Variants in EFCAB13 observed in about 807,000 individuals in gnomAD.
EFCAB13 encodes the protein EF-hand calcium binding domain 13, also known as EF-hand calcium-binding domain-containing protein 13.
In EFCAB13, 91 loss-of-function variants were observed where a neutral mutation model predicts 110.2. The observed-to-expected ratio is 0.83, with a 90% CI of 0.70 to 0.98. The LOEUF is 0.98. Among genes scored for constraint, EFCAB13 ranks in the 50% least tolerant of loss-of-function variants. The pLI, the probability that EFCAB13 is intolerant of heterozygous loss-of-function variation, is 0.00. For missense variants in EFCAB13, 968 were observed against 1,119.4 expected, an observed-to-expected ratio of 0.86 and a Z score of 1.93; for synonymous variants, 323 against 369.9, an observed-to-expected ratio of 0.87 and a Z score of 1.45.
intron 17 of EFCAB13, among the ~76,000 whole-genome samples, chr17:47,400,598 CTTGCCTCT>C (rs111673282): frequency 0.01 from 1,520 of 151,894 alleles, 16 homozygotes; most frequent in African/African-American, 0.032. Context: ...TCCTTGCCTC[CTTGCCTCT>C]CTCCCTCCCT....
chr17:47,423,474 G>A (rs1904796933), intron 23 of EFCAB13: 1 of 214,054 alleles, frequency 4.7e-6, no homozygotes, highest in Admixed American at 5.9e-5. Context: ...GCCTGGCTGC[G>A]GGCGGCCGGG....
chr17:47,411,474 T>A lies in EFCAB13; in HGVS notation c.2279-1299T>A, dbSNP rs2143466632. Among the ~76,000 whole-genome samples the A allele has an allele frequency of 2.0e-5, 3 of 152,340 alleles. No homozygotes were observed. In the East Asian group the frequency reaches 5.8e-4, roughly 29 times the overall value. On this transcript the variant is annotated intron_variant, in intron 21 of 24. Transcript: ENST00000331493. Reference sequence around the variant, plus strand: ...TGAACCTTCTCAGTGCTTCCATAATTTTGTGTGTGTATTTTTCTCATATCA... The same window carrying A: ...TGAACCTTCTCAGTGCTTCCATAATATTGTGTGTGTATTTTTCTCATATCA...
At chr17:47,359,708 C>T (rs917389149) in intron 9 of EFCAB13, among the ~76,000 whole-genome samples, 10 of 149,906 alleles carry the variant, frequency 6.7e-5, no homozygotes, top group African/African-American at 2.5e-4. Flanking sequence ...ATGTGCCATG[C>T]TGGTGTGCTG....
At chr17:47,362,402 G>A (rs1049302826) in intron 10 of EFCAB13, among the ~76,000 whole-genome samples, 4 of 152,144 alleles carry the variant, frequency 2.6e-5, no homozygotes, top group Admixed American at 1.3e-4. Flanking sequence ...TAATGCCAGC[G>A]TCTGGGAAGA....
At chr17:47,407,672 T>C (rs987061376) in intron 20 of EFCAB13, among the ~76,000 whole-genome samples, 1 of 152,214 alleles carries the variant, frequency 6.6e-6, no homozygotes, top group African/African-American at 2.4e-5. Flanking sequence ...ATGACTCCTT[T>C]GTTGAAGATG....
chr17:47,335,914 A>C (rs1377475762), intron 5 of EFCAB13, among the ~76,000 whole-genome samples: 1 of 152,206 alleles, frequency 6.6e-6, no homozygotes, highest in Non-Finnish European at 1.5e-5. Context: ...ACAATTCAAC[A>C]TGAGATTTAG....
At chr17:47,438,363 T>C (rs1378437837) in intron 24 of EFCAB13, among the ~76,000 whole-genome samples, 5 of 152,230 alleles carry the variant, frequency 3.3e-5, no homozygotes, top group Non-Finnish European at 7.3e-5. Context: ...AGGGAAGTTT[T>C]CCTCGATTAT....
chr17:47,355,698 G>T (rs573192830), intron 9 of EFCAB13, among the ~76,000 whole-genome samples: 6 of 150,104 alleles, frequency 4.0e-5, no homozygotes, highest in African/African-American at 1.5e-4. Context: ...TCAGCCTCCC[G>T]AATAGCTGGG....
At chr17:47,382,498 A>G (rs1223941958) in intron 14 of EFCAB13, among the ~76,000 whole-genome samples, 1 of 152,216 alleles carries the variant, frequency 6.6e-6, no homozygotes, top group Non-Finnish European at 1.5e-5. Flanking sequence ...TGGGTTTGTC[A>G]TAAATAGCTC....
chr17:47,377,349 A>G (rs113970193), intron 12 of EFCAB13, among the ~76,000 whole-genome samples: 4,834 of 152,140 alleles, frequency 0.032, 273 homozygotes, highest in African/African-American at 0.11. Context: ...TTTAGTAGAG[A>G]CAGGGTTTCA....
At chr17:47,428,922 G>C (rs953617856) in intron 23 of EFCAB13, among the ~76,000 whole-genome samples, 9 of 152,038 alleles carry the variant, frequency 5.9e-5, no homozygotes, top group African/African-American at 2.2e-4. Flanking sequence ...GGGACATTTT[G>C]TTGGCTATTT....
At chr17:47,353,362 T>C (rs1245505677) in intron 9 of EFCAB13, among the ~76,000 whole-genome samples, 2 of 152,072 alleles carry the variant, frequency 1.3e-5, no homozygotes, top group East Asian at 3.8e-4. Flanking sequence ...TGACACAATC[T>C]TGGCTCACTG....
At chr17:47,389,405 C>G (rs73324443) in intron 14 of EFCAB13, among the ~76,000 whole-genome samples, 1 of 152,038 alleles carries the variant, frequency 6.6e-6, no homozygotes, top group African/African-American at 2.4e-5. Context: ...AGCCCCATGA[C>G]AAACTAAACA....
At chr17:47,421,185 G>A (rs1187870806) in intron 23 of EFCAB13, among the ~76,000 whole-genome samples, 3 of 151,966 alleles carry the variant, frequency 2.0e-5, no homozygotes, top group Non-Finnish European at 4.4e-5. Context: ...TGACAATGGC[G>A]GTTTTGTGGA....
rs1229427386 is a variant in EFCAB13 at position 47,433,142 on chromosome 17, A to C, written c.2638+3181A>C. On this transcript the variant is annotated intron_variant, in intron 24 of 24. Transcript: ENST00000331493. ...CAGTCTTTCCTTCTATTTAGTGAGC[A>C]TGACACTTTGGAAGAGTATTGGTCA... is the stretch of plus-strand genomic sequence containing the variant. Among the ~76,000 whole-genome samples, 2 of 152,140 alleles carry C rather than the reference A, an allele frequency of 1.3e-5. 1 individual carries two copies. Among genetic ancestry groups the C allele is most frequent in the South Asian group, 4.1e-4 (2 of 4,836 alleles).
At chr17:47,427,925 TA>T (rs113361100) in intron 23 of EFCAB13, among the ~76,000 whole-genome samples, 5 of 151,740 alleles carry the variant, frequency 3.3e-5, no homozygotes, top group Admixed American at 6.6e-5. Context: ...TGTTTAGAAA[TA>T]AAAAAAATGT....
At chr17:47,421,323 C>G (rs1359916397) in intron 23 of EFCAB13, among the ~76,000 whole-genome samples, 1 of 152,112 alleles carries the variant, frequency 6.6e-6, no homozygotes, top group African/African-American at 2.4e-5. Flanking sequence ...TCCTGTTGAT[C>G]TGTGACCTTA....
At position 47,335,321 on chromosome 17, in the gene EFCAB13, G is replaced by A. The variant is rs367996069; in HGVS notation, c.156G>A (p.Pro52=). The A allele has an allele frequency of 6.1e-5, 98 of 1,604,252 alleles. No individual in the cohort carries two copies. The highest frequency in any genetic ancestry group is 7.6e-5 in the Non-Finnish European group (90 of 1,177,044). Reference sequence around the variant, plus strand: ...AAACAATAGAGAAGGAAATTTCACCGGAAATTAGGAGTTTGAGCCCAGAAT... The same window carrying A: ...AAACAATAGAGAAGGAAATTTCACCAGAAATTAGGAGTTTGAGCCCAGAAT... ...FSKTIEKEIS[P]EIRSLSPEYK... is the part of the protein sequence containing the mutation. Residue 52 remains proline (P), a synonymous_variant, in exon 5 of 25, where the codon CCG becomes CCA. Transcript: ENST00000331493.
At chr17:47,388,157 G>A (rs2065686824) in intron 14 of EFCAB13, among the ~76,000 whole-genome samples, 1 of 152,182 alleles carries the variant, frequency 6.6e-6, no homozygotes, top group South Asian at 2.1e-4. Flanking sequence ...TGCCCTCAGG[G>A]GGTTTATTGC....
Sources: gnomAD v4.1 joint callset for allele counts (sites outside exome capture counted in the v4.1 genomes callset) on GRCh38, gnomAD v4.1.1 for gene constraint, MANE v1.5 for transcripts, NCBI Gene and HGNC (gene_info 2026-07-23, HGNC 2026-07-21) for gene names.